Variants in SYT1 observed in about 807,000 individuals in gnomAD.
SYT1 encodes the protein synaptotagmin-1.
In SYT1, 8 loss-of-function variants were observed where a neutral mutation model predicts 44.8. The ratio of observed to expected loss-of-function variants is 0.18; its 90% CI spans 0.10 to 0.32. The LOEUF (loss-of-function observed/expected upper bound fraction) is 0.32, where lower values mean the gene tolerates loss of function less well. SYT1 is among the 10% of genes least tolerant of loss of function. SYT1 has a pLI of 1.00. For synonymous variants in SYT1, 154 were observed against 188.8 expected (o/e 0.82, Z 1.51); for missense variants, 286 against 509.3 (o/e 0.56, Z 4.22).
In SYT1 at chr12:79,405,769, C is replaced by T. The variant is rs1593039560; in HGVS notation, c.929-38304C>T. On this transcript the variant is annotated intron_variant, in intron 9 of 10. Coordinates refer to ENST00000261205, the MANE Select transcript of SYT1 (RefSeq NM_005639.3). The stretch of plus-strand genomic sequence containing the variant: ...TGCCATCAGGGACCTGTGTTTTTTC[C>T]TTCTTTTCAGCTCCTCTATCCTTAG... 3.9e-5 allele frequency among the ~76,000 whole-genome samples: 6 copies of T among 152,134 alleles called. 1 individual carries two copies. Among genetic ancestry groups the T allele is most frequent in the Admixed American group, 3.9e-4 (6 of 15,252 alleles).
chr12:78,904,875 G>T (rs564715340), intron 1 of SYT1, among the ~76,000 whole-genome samples: 3 of 151,958 alleles, frequency 2.0e-5, no homozygotes, highest in Admixed American at 1.3e-4. Flanking sequence ...TATTTTTTTG[G>T]TAAAAGATTT....
At chr12:78,982,464 G>C (rs1258401205) in intron 2 of SYT1, among the ~76,000 whole-genome samples, 1 of 152,148 alleles carries the variant, frequency 6.6e-6, no homozygotes, top group Non-Finnish European at 1.5e-5. Flanking sequence ...AAGTTATTTA[G>C]AGGAATTTTT....
intron 3 of SYT1, among the ~76,000 whole-genome samples, chr12:79,129,980 C>CA (rs996849629): frequency 1.3e-5 from 2 of 151,796 alleles, no homozygotes; most frequent in African/African-American, 2.4e-5. Flanking sequence ...TACACATATA[C>CA]AAAAAAAGTA....
chr12:79,146,442 A>G (rs1869918622), intron 3 of SYT1, among the ~76,000 whole-genome samples: 2 of 152,202 alleles, frequency 1.3e-5, no homozygotes, highest in African/African-American at 4.8e-5. Flanking sequence ...ACCTTTCTGA[A>G]GACCACACAG....
chr12:78,982,498 C>G (rs529803840), intron 2 of SYT1, among the ~76,000 whole-genome samples: 1 of 152,076 alleles, frequency 6.6e-6, no homozygotes, highest in Non-Finnish European at 1.5e-5. Flanking sequence ...CCCTCCTTTC[C>G]GTTCCATTTT....
chr12:78,897,908 C>T lies in SYT1; in HGVS notation c.-217+32799C>T, dbSNP rs573147081. ...CAGAGCTGAAACTCCCAAGTTAGGA[C>T]ATGAACCAAATATAAGGGCCACCCA... On this transcript the variant is annotated intron_variant, in intron 1 of 10. Transcript: ENST00000261205. Among the ~76,000 whole-genome samples the T allele has an allele frequency of 1.5e-4, 23 of 152,076 alleles. No homozygotes were observed. In the South Asian group the frequency reaches 2.3e-3, roughly 15 times the overall value.
intron 9 of SYT1, among the ~76,000 whole-genome samples, chr12:79,401,168 A>G (rs1035138414): frequency 9.2e-5 from 14 of 152,340 alleles, no homozygotes; most frequent in African/African-American, 3.1e-4. Flanking sequence ...TACTGGTGAC[A>G]AAGTTGAATA....
chr12:79,152,313 T>C (rs1870322272), intron 3 of SYT1, among the ~76,000 whole-genome samples: 1 of 152,096 alleles, frequency 6.6e-6, no homozygotes, highest in Non-Finnish European at 1.5e-5. Context: ...GGACTCTGAA[T>C]GGTTTTTAGG....
intron 8 of SYT1, among the ~76,000 whole-genome samples, chr12:79,300,789 TTATATATATATA>T (rs56934430): frequency 2.2e-5 from 2 of 89,624 alleles, no homozygotes; most frequent in African/African-American, 8.2e-5. Context: ...TGTATACTTA[TTATATATATATA>T]TATATATATA....
chr12:78,887,585 G>A (rs1373627724), intron 1 of SYT1, among the ~76,000 whole-genome samples: 1 of 151,904 alleles, frequency 6.6e-6, no homozygotes, highest in Admixed American at 6.6e-5. Flanking sequence ...CATAGTTTCA[G>A]GAATACAGTA....
intron 3 of SYT1, among the ~76,000 whole-genome samples, chr12:79,122,437 C>A (rs560101551): frequency 2.8e-4 from 36 of 130,744 alleles, no homozygotes; most frequent in African/African-American, 1.1e-3. Context: ...TGGCGTGAAC[C>A]CGGGAGGCGG....
intron 1 of SYT1, among the ~76,000 whole-genome samples, chr12:78,903,112 A>G (rs1436749978): frequency 6.6e-6 from 1 of 152,114 alleles, no homozygotes. Flanking sequence ...TGAAAGTAGT[A>G]TGGCAGTTCA....
chr12:79,132,383 A>C (rs1470321949), intron 3 of SYT1, among the ~76,000 whole-genome samples: 1 of 151,168 alleles, frequency 6.6e-6, no homozygotes, highest in Non-Finnish European at 1.5e-5. Context: ...TGCGAAATGG[A>C]GGTTGCAGTG....
chr12:78,882,483 A>G (rs895611896), intron 1 of SYT1, among the ~76,000 whole-genome samples: 6 of 151,750 alleles, frequency 4.0e-5, no homozygotes, highest in Non-Finnish European at 8.8e-5. Context: ...AATTTTTATT[A>G]TTTATATCTG....
chr12:79,207,714 G>A (rs1039207712), intron 3 of SYT1, among the ~76,000 whole-genome samples: 13 of 152,162 alleles, frequency 8.5e-5, no homozygotes, highest in African/African-American at 3.1e-4. Flanking sequence ...TTTTGACACA[G>A]GATGTTATTA....
intron 3 of SYT1, among the ~76,000 whole-genome samples, chr12:79,124,800 C>T (rs1868351563): frequency 6.6e-6 from 1 of 151,960 alleles, no homozygotes; most frequent in Non-Finnish European, 1.5e-5. Flanking sequence ...TGTATCTCTA[C>T]TCTTTTTTTT....
intron 4 of SYT1, among the ~76,000 whole-genome samples, chr12:79,265,194 T>A (rs1021411557): frequency 1.4e-4 from 21 of 152,170 alleles, no homozygotes; most frequent in African/African-American, 5.1e-4. Flanking sequence ...ATCTATATAT[T>A]ATCACAAATC....
chr12:79,252,841 A>G (rs1877295965), intron 4 of SYT1, among the ~76,000 whole-genome samples: 1 of 152,188 alleles, frequency 6.6e-6, no homozygotes, highest in South Asian at 2.1e-4. Context: ...TTTCTCAGAT[A>G]AAGTCAAGTA....
At chr12:78,911,942 T>C (rs1876358227) in intron 1 of SYT1, among the ~76,000 whole-genome samples, 1 of 151,998 alleles carries the variant, frequency 6.6e-6, no homozygotes, top group Non-Finnish European at 1.5e-5. Context: ...CCTAAAAATT[T>C]GTATTAATAG....
Sources: gnomAD v4.1 joint callset for allele counts (sites outside exome capture counted in the v4.1 genomes callset) on GRCh38, gnomAD v4.1.1 for gene constraint, MANE v1.5 for transcripts, NCBI Gene and HGNC (gene_info 2026-07-23, HGNC 2026-07-21) for gene names.